The following DLG2 variants were observed in gnomAD, a reference collection of about 807,000 sequenced individuals.
The protein encoded by DLG2 is discs large MAGUK scaffold protein 2, also known as disks large homolog 2.
DLG2 carries 45 observed loss-of-function variants against 132.5 expected under a neutral mutation model. That is an observed-to-expected ratio of 0.34 (90% CI 0.27 to 0.44). The LOEUF (loss-of-function observed/expected upper bound fraction) is 0.44, where lower values mean the gene tolerates loss of function less well. Ranked by LOEUF, DLG2 falls within the 20% of genes least tolerant of loss-of-function variation. The probability of loss-of-function intolerance (pLI) is 1.00; values close to 1 mark genes in which losing one functional copy is unlikely to be tolerated. For synonymous variants in DLG2, 424 were observed against 419.6 expected (o/e 1.01, Z -0.13); for missense variants, 1,045 against 1,196.9 (o/e 0.87, Z 1.87).
intron 6 of DLG2, among the ~76,000 whole-genome samples, chr11:84,557,172 T>C (rs1199221289): frequency 2.0e-5 from 3 of 152,212 alleles, no homozygotes; most frequent in Non-Finnish European, 2.9e-5. Context: ...AATTTTGTAG[T>C]TGTGGTTAAC....
At chr11:84,218,155 A>G (rs966801485) in intron 8 of DLG2, among the ~76,000 whole-genome samples, 3 of 150,694 alleles carry the variant, frequency 2.0e-5, no homozygotes, top group Non-Finnish European at 4.4e-5. Flanking sequence ...GTGACAGTGC[A>G]GGCTCTGCTG....
At chr11:84,576,846 C>A (rs1242688174) in intron 6 of DLG2, among the ~76,000 whole-genome samples, 1 of 152,158 alleles carries the variant, frequency 6.6e-6, no homozygotes, top group African/African-American at 2.4e-5. Flanking sequence ...CTTACTATCA[C>A]TGATATACTT....
At chr11:85,509,413 C>T (rs2175189) in intron 3 of DLG2, among the ~76,000 whole-genome samples, 10,716 of 152,012 alleles carry the variant, frequency 0.07, 657 homozygotes, top group East Asian at 0.29. Context: ...GAAGTAAGTG[C>T]CTTACTACAC....
intron 19 of DLG2, among the ~76,000 whole-genome samples, chr11:83,630,004 A>G (rs779881709): frequency 6.6e-6 from 1 of 152,168 alleles, no homozygotes; most frequent in Non-Finnish European, 1.5e-5. Context: ...TACCCAAATC[A>G]TTCCCACAGA....
intron 6 of DLG2, among the ~76,000 whole-genome samples, chr11:84,843,345 T>C (rs2080956832): frequency 6.6e-6 from 1 of 151,848 alleles, no homozygotes; most frequent in African/African-American, 2.4e-5. Context: ...AAATTCTTAT[T>C]CCACCACTTA....
chr11:83,524,064 A>C (rs2095548063), intron 21 of DLG2, among the ~76,000 whole-genome samples: 1 of 152,202 alleles, frequency 6.6e-6, no homozygotes, highest in Admixed American at 6.5e-5. Flanking sequence ...TAGCCTTATA[A>C]GGGTGAGAGT....
chr11:84,245,593 G>C (rs1032548689), intron 8 of DLG2, among the ~76,000 whole-genome samples: 1 of 152,130 alleles, frequency 6.6e-6, no homozygotes, highest in South Asian at 2.1e-4. Flanking sequence ...CAAAATTTCA[G>C]CAACAAAGTG....
Position 83,965,365 on chromosome 11 carries a change from A to G in DLG2, c.1160T>C (p.Ile387Thr), listed in dbSNP as rs774016845. ...TGGACCATAAGGATCAGTCATATAAATGGTAGTGGGTTTGCCAACTTTTAA... is the reference window on the plus strand; with the variant it reads ...TGGACCATAAGGATCAGTCATATAAGTGGTAGTGGGTTTGCCAACTTTTAA... ...VYLKVGKPTT[I>T]YMTDPYGPPD... The change falls in exon 13 of 28, where the codon ATT (isoleucine) becomes ACT (threonine). Residue 387 changes from isoleucine to threonine, a missense_variant. By Grantham distance (89) the Ile-to-Thr change is moderately conservative. Around this residue, in one of 4 missense-constraint regions of DLG2, gnomAD observed 261 missense variants for 256.1 expected, o/e 1.02. Transcript: ENST00000376104. 4.3e-6 allele frequency: 7 copies of G among 1,612,296 alleles called. No homozygotes were observed. The Admixed American group carries it at 1.2e-4, about 27-fold the overall frequency.
intron 5 of DLG2, among the ~76,000 whole-genome samples, chr11:85,148,212 A>G (rs2076989105): frequency 6.6e-6 from 1 of 152,190 alleles, no homozygotes. Context: ...TGCAATAAAC[A>G]TACATGTGCA....
intron 6 of DLG2, among the ~76,000 whole-genome samples, chr11:84,715,582 CTACT>C (rs565468424): frequency 6.6e-6 from 1 of 152,048 alleles, no homozygotes; most frequent in Non-Finnish European, 1.5e-5. Context: ...TGTATGTGTT[CTACT>C]TTTTTTTTAC....
chr11:84,929,596 T>C (rs1404162826), intron 6 of DLG2, among the ~76,000 whole-genome samples: 2 of 152,094 alleles, frequency 1.3e-5, no homozygotes, highest in Non-Finnish European at 2.9e-5. Flanking sequence ...TTCTGAACTG[T>C]TGAAAACTTT....
intron 6 of DLG2, among the ~76,000 whole-genome samples, chr11:84,918,643 T>C (rs1455509522): frequency 1.3e-5 from 2 of 152,182 alleles, no homozygotes; most frequent in Non-Finnish European, 2.9e-5. Context: ...GTGTGAATTA[T>C]TGACTCCCTC....
intron 3 of DLG2, among the ~76,000 whole-genome samples, chr11:85,566,064 T>A (rs922114789): frequency 2.0e-5 from 3 of 152,200 alleles, no homozygotes; most frequent in Non-Finnish European, 2.9e-5. Context: ...TGAAGTGATA[T>A]CACTTTGTGC....
chr11:84,607,179 G>A (rs1286341423), intron 6 of DLG2, among the ~76,000 whole-genome samples: 2 of 152,056 alleles, frequency 1.3e-5, no homozygotes, highest in Non-Finnish European at 2.9e-5. Flanking sequence ...TACTGTAAAA[G>A]AGAAAGGGAT....
At chr11:83,804,579 G>GACACAC (rs61221099) in intron 17 of DLG2, among the ~76,000 whole-genome samples, 2,853 of 142,084 alleles carry the variant, frequency 0.02, 74 homozygotes, top group African/African-American at 0.048. Flanking sequence ...CCTAGCAGAA[G>GACACAC]ACACACACAC....
At chr11:83,741,822 C>CT (rs2092539240) in intron 18 of DLG2, among the ~76,000 whole-genome samples, 1 of 151,844 alleles carries the variant, frequency 6.6e-6, no homozygotes. Context: ...TCCTGGTTAA[C>CT]TTGGTGAAAC....
intron 17 of DLG2, among the ~76,000 whole-genome samples, chr11:83,808,417 C>A (rs1178894217): frequency 1.3e-5 from 2 of 152,142 alleles, no homozygotes; most frequent in Non-Finnish European, 2.9e-5. Context: ...GGCTCTGCCA[C>A]ATCTTGTGAG....
Position 85,183,561 on chromosome 11 carries a change from C to T in DLG2, c.187-28910G>A, listed in dbSNP as rs534868856. Among the ~76,000 whole-genome samples, 3 of 151,982 alleles carry T rather than the reference C, an allele frequency of 2.0e-5. No homozygotes were observed. In the East Asian group the frequency reaches 5.8e-4, roughly 29 times the overall value. ...GCCAGGGGGATTTATCTTACTACAT[C>T]AAATCTTGGCTGTGGTTGGGTCCAG... On this transcript the variant is annotated intron_variant, in intron 4 of 27. Coordinates refer to ENST00000376104, the MANE Select transcript of DLG2 (RefSeq NM_001142699.3).
At chr11:83,574,944 C>A (rs1037218910) in intron 19 of DLG2, among the ~76,000 whole-genome samples, 1 of 152,072 alleles carries the variant, frequency 6.6e-6, no homozygotes, top group Admixed American at 6.6e-5. Flanking sequence ...ACTGTGTATG[C>A]CAGAAAAAAG....
Sources: allele counts gnomAD v4.1 joint callset (sites outside exome capture counted in the v4.1 genomes callset), GRCh38; gene constraint gnomAD v4.1.1; regional missense constraint gnomAD v4.1.1; transcripts MANE v1.5; gene names NCBI Gene and HGNC (gene_info 2026-07-23, HGNC 2026-07-21).